Variants in PNPLA7 observed in about 807,000 individuals in gnomAD.
PNPLA7 encodes patatin-like phospholipase domain-containing protein 7.
Under a neutral mutation model 161.7 loss-of-function variants are expected in PNPLA7, and 153 were observed. The ratio of observed to expected loss-of-function variants is 0.95; its 90% CI spans 0.83 to 1.08. The LOEUF is 1.08. Ranked by LOEUF, PNPLA7 falls within the 50% of genes least tolerant of loss-of-function variation. PNPLA7 has a pLI of 0.00. For synonymous variants in PNPLA7, 809 were observed against 782.1 expected (o/e 1.03, Z -0.57); for missense variants, 1,739 against 1,856.6 (o/e 0.94, Z 1.16).
At chr9:137,461,859 TG>T in intron 32 of PNPLA7, 71 bp downstream of exon 32, 1 of 1,429,858 alleles carries the variant, frequency 7.0e-7, no homozygotes, top group Non-Finnish European at 9.3e-7. Context: ...CCTGATGAAC[TG>T]GGCGTGGGCG....
chr9:137,461,188 C>T (rs930192205), intron 33 of PNPLA7: 12 of 346,926 alleles, frequency 3.5e-5, no homozygotes, highest in East Asian at 5.6e-5. Context: ...GTAGTGGACC[C>T]GCCCTTCTTG....
chr9:137,536,337 G>C (rs1049197229), intron 8 of PNPLA7, among the ~76,000 whole-genome samples: 50 of 152,090 alleles, frequency 3.3e-4, no homozygotes, highest in Admixed American at 3.1e-3. Flanking sequence ...GCCCTGTGTA[G>C]GGGAAGGAAG....
At position 137,524,815 on chromosome 9, in the gene PNPLA7, G is replaced by A. The variant is rs537048183; in HGVS notation, c.748-1958C>T. On this transcript the variant is annotated intron_variant, in intron 8 of 34. Transcript: ENST00000406427. The surrounding 1 kb of genome is among the most constrained non-coding windows in gnomAD (Gnocchi z 4.4). Reference sequence around the variant, plus strand: ...GGTTTCCGTGGATGCCCCGTGGAATGAGTTTCCGTGGATGCCCCGTGGAAT... The same window carrying A: ...GGTTTCCGTGGATGCCCCGTGGAATAAGTTTCCGTGGATGCCCCGTGGAAT... Among the ~76,000 whole-genome samples, 10 of 152,082 alleles carry A rather than the reference G, an allele frequency of 6.6e-5. No individual in the cohort carries two copies. Among genetic ancestry groups the A allele is most frequent in the African/African-American group, 2.2e-4 (9 of 41,460 alleles).
At position 137,505,989 on chromosome 9, in the gene PNPLA7, G is replaced by A. The variant is rs1382117019; in HGVS notation, c.1320C>T (p.Ala440=). 1.9e-6 allele frequency: 3 copies of A among 1,609,282 alleles called. No individual in the cohort carries two copies. In the African/African-American group the frequency reaches 4.0e-5, roughly 21 times the overall value. The change falls in exon 13 of 35, where the codon GCC becomes GCT. Residue 440 remains alanine (A), a synonymous_variant. Transcript: ENST00000406427. ...AATGACAGCCAGGGCCTACCTTGCT[G>A]GCCACGGAGCTCCCGGGGTGCTCGT... ...HSDEHPGSSV[A]SKSRKSVMVA...
intron 33 of PNPLA7, 84 bp from the exon 34 acceptor site, chr9:137,460,821 CCA>C (rs1588519818): frequency 1.6e-6 from 2 of 1,246,490 alleles, no homozygotes; most frequent in Non-Finnish European, 2.3e-6. Flanking sequence ...GCAGAACCGG[CCA>C]CAGATGCCCA....
intron 12 of PNPLA7, among the ~76,000 whole-genome samples, chr9:137,512,346 C>T (rs1261839554): frequency 1.3e-5 from 2 of 152,250 alleles, no homozygotes; most frequent in Non-Finnish European, 2.9e-5. Context: ...CCCCACGGGA[C>T]GTGGAGCAGG....
chr9:137,502,737 C>CGCGGGGGACGGGGGGGACGGGGGGGAT (rs1554767775), intron 14 of PNPLA7, among the ~76,000 whole-genome samples: 2 of 62,904 alleles, frequency 3.2e-5, no homozygotes, highest in African/African-American at 1.2e-4. Context: ...ACGGGGGGGA[C>CGCGGGGGACGGGGGGGACGGGGGGGAT]GAGAGGGATG....
At chr9:137,546,999 C>T (rs1836566587) in intron 3 of PNPLA7, 90 bp from the exon 4 acceptor site, 19 of 1,257,294 alleles carry the variant, frequency 1.5e-5, no homozygotes, top group South Asian at 8.7e-5. Flanking sequence ...GTCATACTCT[C>T]GTCCCTGCCA....
chr9:137,471,597 C>T (rs905228261), intron 25 of PNPLA7, among the ~76,000 whole-genome samples: 13 of 105,718 alleles, frequency 1.2e-4, no homozygotes, highest in African/African-American at 4.2e-4. Context: ...GACTCCGTCT[C>T]AAAAAAAAAA....
intron 23 of PNPLA7, chr9:137,479,987 T>C: frequency 2.4e-6 from 2 of 827,374 alleles, no homozygotes; most frequent in South Asian, 1.1e-4. Context: ...AAAAGCAAAC[T>C]TCAGATGACA....
chr9:137,526,501 T>G (rs550112050), intron 8 of PNPLA7, among the ~76,000 whole-genome samples: 1 of 152,226 alleles, frequency 6.6e-6, no homozygotes, highest in Non-Finnish European at 1.5e-5. Flanking sequence ...ATGGTCTCAA[T>G]CTCCTGACCT....
rs1377829264 is a variant in PNPLA7 at position 137,478,124 on chromosome 9, C to T, written c.2792G>A (p.Arg931Gln). The T allele has an allele frequency of 1.6e-5, 22 of 1,347,528 alleles. No individual in the cohort carries two copies. The highest frequency in any genetic ancestry group is 1.9e-4 in the Middle Eastern group (1 of 5,204). 83.5% of individuals were successfully genotyped at this position (1,347,528 alleles called of 1,614,324 possible). A position where few individuals can be genotyped will look rare whatever the true frequency, so the allele number is the denominator to read the frequency against. ...GAAGTCTGAGTGTCGGTCCGGGGGC[C>T]GCTGGAAGACATGCTTGTACATCTC... is the stretch of plus-strand genomic sequence containing the variant. ...LVEMYKHVFQRPPDRHSDFSR... is the reference protein window; with the variant it reads ...LVEMYKHVFQQPPDRHSDFSR... Residue 931 changes from arginine (R) to glutamine (Q), a missense_variant, in exon 25 of 35, where the codon CGG becomes CAG. This residue lies in a region of PNPLA7 where 703 missense variants were observed against 694.6 expected (regional missense o/e 1.01). Coordinates refer to ENST00000406427, the MANE Select transcript of PNPLA7 (RefSeq NM_001098537.3).
At chr9:137,471,323 G>A (rs757607576) in intron 25 of PNPLA7, among the ~76,000 whole-genome samples, 1 of 152,100 alleles carries the variant, frequency 6.6e-6, no homozygotes, top group Non-Finnish European at 1.5e-5. Context: ...ATTTATGGCC[G>A]GGCACAGTGG....
intron 30 of PNPLA7, 74 bp from the exon 31 acceptor site, chr9:137,462,405 C>A (rs1831257256): frequency 6.6e-7 from 1 of 1,524,988 alleles, no homozygotes; most frequent in East Asian, 2.3e-5. Context: ...TGGCGCAGGA[C>A]AGGTTCTGGG....
chr9:137,494,910 G>A (rs1832965851), intron 19 of PNPLA7, 123 bp downstream of exon 19: 4 of 857,012 alleles, frequency 4.7e-6, no homozygotes, highest in Admixed American at 4.3e-5. Flanking sequence ...CCTGCTCTGC[G>A]CTCTCACCTG....
chr9:137,462,954 C>T (rs893170276), intron 29 of PNPLA7, 121 bp from the exon 30 acceptor site: 1 of 1,355,050 alleles, frequency 7.4e-7, no homozygotes, highest in African/African-American at 1.5e-5. Context: ...CGCCATTACA[C>T]CTTCTAGAGG....
intron 15 of PNPLA7, 115 bp from the exon 16 acceptor site, chr9:137,501,011 C>G: frequency 1.2e-6 from 1 of 835,212 alleles, no homozygotes; most frequent in South Asian, 1.7e-5. Flanking sequence ...ATCCGCCGAC[C>G]TGATCAGCTC....
intron 27 of PNPLA7, 46 bp from the exon 28 acceptor site, chr9:137,464,241 T>TG: frequency 6.2e-7 from 1 of 1,611,364 alleles, no homozygotes; most frequent in Non-Finnish European, 8.5e-7. Flanking sequence ...ATCACGCTCC[T>TG]GTCCTGTGTC....
intron 8 of PNPLA7, among the ~76,000 whole-genome samples, chr9:137,534,984 G>T (rs1835809464): frequency 6.6e-6 from 1 of 152,128 alleles, no homozygotes; most frequent in African/African-American, 2.4e-5. Flanking sequence ...CCAACCGCAC[G>T]TTTTTTGTAA....
Sources: gnomAD v4.1 joint callset for allele counts (sites outside exome capture counted in the v4.1 genomes callset) on GRCh38, gnomAD v4.1.1 for gene constraint, gnomAD v4.1.1 regional missense constraint, Gnocchi (gnomAD v3.1) non-coding constraint, MANE v1.5 for transcripts, NCBI Gene and HGNC (gene_info 2026-07-23, HGNC 2026-07-21) for gene names.